MCTP1: variants seen among roughly 807,000 people sequenced by gnomAD.
MCTP1 encodes multiple C2 and transmembrane domain containing 1.
A neutral mutation model predicts 120.6 loss-of-function variants in MCTP1; 69 were observed. The observed-to-expected ratio is 0.57, with a 90% CI of 0.47 to 0.70. The LOEUF is 0.70. MCTP1 is among the 30% of genes least tolerant of loss of function. The pLI, the probability that MCTP1 is intolerant of heterozygous loss-of-function variation, is 0.00. For synonymous variants in MCTP1, 529 were observed against 493.1 expected (o/e 1.07, Z -0.96); for missense variants, 1,203 against 1,248.8 (o/e 0.96, Z 0.55).
intron 12 of MCTP1, among the ~76,000 whole-genome samples, chr5:94,875,444 G>A (rs1463737425): frequency 2.0e-5 from 3 of 152,048 alleles, no homozygotes; most frequent in Non-Finnish European, 4.4e-5. Flanking sequence ...ATAGTGGCAG[G>A]TCTCTGAAAA....
chr5:94,726,194 T>TCCA (rs1434483399), intron 19 of MCTP1, among the ~76,000 whole-genome samples: 1 of 152,180 alleles, frequency 6.6e-6, no homozygotes, highest in Non-Finnish European at 1.5e-5. Flanking sequence ...CTTGGGTGCC[T>TCCA]CCAGTTGTGT....
chr5:94,716,806 C>G (rs143547334), intron 19 of MCTP1, among the ~76,000 whole-genome samples: 1,953 of 151,170 alleles, frequency 0.013, 38 homozygotes, highest in African/African-American at 0.045. Flanking sequence ...CAAGCAAATC[C>G]TAATGTTTAG....
At position 94,703,841 on chromosome 5, in the gene MCTP1, T is replaced by C. The variant is rs1389734354; in HGVS notation, c.*3655A>G. 2 of 151,490 alleles carry C rather than the reference T, an allele frequency of 1.3e-5. No homozygotes were observed. Among genetic ancestry groups the C allele is most frequent in the Non-Finnish European group, 3.0e-5 (2 of 67,696 alleles). The allele number at this position is 151,490 out of a possible 1,614,324, so 9.4% of individuals were successfully genotyped here. A position where few individuals can be genotyped will look rare whatever the true frequency, so the allele number is the denominator to read the frequency against. On this transcript the variant is annotated 3_prime_UTR_variant, in exon 23 of 23. Transcript: ENST00000515393. ...ATTGCTTTGGACATTTGATAGTTTTTATTTGCATACTATTTTTTAATGAGA... is the reference window on the plus strand; with the variant it reads ...ATTGCTTTGGACATTTGATAGTTTTCATTTGCATACTATTTTTTAATGAGA...
At chr5:94,724,563 A>T (rs545881427) in intron 19 of MCTP1, among the ~76,000 whole-genome samples, 1 of 152,048 alleles carries the variant, frequency 6.6e-6, no homozygotes, top group African/African-American at 2.4e-5. Context: ...ACCCTTTTTA[A>T]CTGTCCTGCA....
chr5:95,141,555 G>GT (rs1290053893), intron 1 of MCTP1, among the ~76,000 whole-genome samples: 1 of 152,166 alleles, frequency 6.6e-6, no homozygotes, highest in Non-Finnish European at 1.5e-5. Context: ...TAGTTTCATT[G>GT]TGTTTTACTT....
chr5:95,168,633 T>C (rs1746772226), intron 1 of MCTP1, among the ~76,000 whole-genome samples: 1 of 152,226 alleles, frequency 6.6e-6, no homozygotes, highest in Non-Finnish European at 1.5e-5. Context: ...GTAAGGTGGA[T>C]TCCTAGGTAT....
At chr5:94,718,175 C>T (rs1351428223) in intron 19 of MCTP1, among the ~76,000 whole-genome samples, 8 of 151,962 alleles carry the variant, frequency 5.3e-5, no homozygotes, top group African/African-American at 7.3e-5. Context: ...CATACACCAA[C>T]GGAATAGAAA....
chr5:94,920,513 C>T (rs989519202), intron 7 of MCTP1, among the ~76,000 whole-genome samples: 8 of 151,788 alleles, frequency 5.3e-5, no homozygotes, highest in Non-Finnish European at 7.4e-5. Context: ...GAGGCCGAGG[C>T]GGGCAGATCA....
At chr5:95,070,395 G>A (rs1751840431) in intron 1 of MCTP1, among the ~76,000 whole-genome samples, 1 of 152,218 alleles carries the variant, frequency 6.6e-6, no homozygotes, top group African/African-American at 2.4e-5. Flanking sequence ...TCTTGTCAAC[G>A]GGGTTCCAAT....
intron 1 of MCTP1, among the ~76,000 whole-genome samples, chr5:95,085,105 T>C (rs1218741627): frequency 1.3e-5 from 2 of 152,096 alleles, no homozygotes; most frequent in Non-Finnish European, 2.9e-5. Context: ...TTTAAAATTA[T>C]GCCAAATTTG....
At chr5:94,810,484 G>A (rs965438322) in intron 17 of MCTP1, among the ~76,000 whole-genome samples, 2 of 152,108 alleles carry the variant, frequency 1.3e-5, no homozygotes, top group African/African-American at 4.8e-5. Context: ...AACTCCCTCT[G>A]TTCTCTATAC....
At chr5:94,850,404 C>A (rs1198358955) in intron 17 of MCTP1, among the ~76,000 whole-genome samples, 1 of 152,136 alleles carries the variant, frequency 6.6e-6, no homozygotes, top group African/African-American at 2.4e-5. Context: ...ATGGTGTAAG[C>A]TTTTCCACTG....
intron 2 of MCTP1, among the ~76,000 whole-genome samples, chr5:95,004,822 C>G (rs1318001648): frequency 2.0e-5 from 3 of 152,208 alleles, no homozygotes; most frequent in African/African-American, 7.2e-5. Context: ...AGAACCTCTA[C>G]TAGGGTAGGG....
chr5:95,272,407 A>G (rs1759480129), intron 1 of MCTP1, among the ~76,000 whole-genome samples: 1 of 152,202 alleles, frequency 6.6e-6, no homozygotes, highest in Admixed American at 6.5e-5. Context: ...TAAATAATAT[A>G]CCACCTGGAT....
intron 1 of MCTP1, among the ~76,000 whole-genome samples, chr5:95,126,782 C>CT (rs950294317): frequency 3.3e-5 from 5 of 151,780 alleles, no homozygotes; most frequent in African/African-American, 9.7e-5. Flanking sequence ...TCTAAGAAGG[C>CT]TTTTTTTTCA....
At chr5:95,150,167 A>G (rs183874564) in intron 1 of MCTP1, among the ~76,000 whole-genome samples, 1 of 152,286 alleles carries the variant, frequency 6.6e-6, no homozygotes, top group Admixed American at 6.5e-5. Context: ...AAAACTTTCT[A>G]AAGTGCAGCA....
At chr5:94,951,493 A>G (rs1820567735) in intron 3 of MCTP1, among the ~76,000 whole-genome samples, 1 of 152,154 alleles carries the variant, frequency 6.6e-6, no homozygotes, top group Non-Finnish European at 1.5e-5. Flanking sequence ...ATGATTTTTC[A>G]CTTCAGCAAC....
At chr5:94,876,934 C>T (rs1799003943) in intron 12 of MCTP1, among the ~76,000 whole-genome samples, 2 of 152,142 alleles carry the variant, frequency 1.3e-5, no homozygotes, top group South Asian at 4.1e-4. Flanking sequence ...ATGATTAAGA[C>T]ATAGTCCAGC....
At chr5:94,713,311 A>C (rs574100022) in intron 20 of MCTP1, among the ~76,000 whole-genome samples, 2 of 152,172 alleles carry the variant, frequency 1.3e-5, no homozygotes, top group South Asian at 4.2e-4. Context: ...TAGCATAGGA[A>C]GTTCTACAAA....
Sources: gnomAD v4.1 joint callset for allele counts (sites outside exome capture counted in the v4.1 genomes callset) on GRCh38, gnomAD v4.1.1 for gene constraint, MANE v1.5 for transcripts, NCBI Gene and HGNC (gene_info 2026-07-23, HGNC 2026-07-21) for gene names.